The following PAAF1 variants were observed in gnomAD, a reference collection of about 807,000 sequenced individuals.
The protein encoded by PAAF1 is proteasomal ATPase associated factor 1.
A neutral mutation model predicts 52.8 loss-of-function variants in PAAF1; 46 were observed. The ratio of observed to expected loss-of-function variants is 0.87; its 90% CI spans 0.69 to 1.11. PAAF1 has a LOEUF of 1.11. Ranked by LOEUF, PAAF1 falls within the 50% of genes most tolerant of loss-of-function variation. The pLI is 0.00. For synonymous variants in PAAF1, 178 were observed against 172.8 expected (o/e 1.03, Z -0.24); for missense variants, 424 against 477.4 (o/e 0.89, Z 1.04).
chr11:73,914,430 A>G lies in PAAF1; in HGVS notation c.745A>G (p.Thr249Ala), dbSNP rs1311398766. Residue 249 changes from threonine (T) to alanine (A), a missense_variant, in exon 8 of 12, where the codon ACA becomes GCA. Coordinates refer to ENST00000310571, the MANE Select transcript of PAAF1 (RefSeq NM_025155.3). ...EQMPSEREVG[T>A]EAKMLLLARE... ...TCATGCAGGTGAACGGGAGGTTGGA[A>G]CAGAGGCCAAAATGCTGCTCTTGGC... is the stretch of plus-strand genomic sequence containing the variant. 1.2e-6 allele frequency: 2 copies of G among 1,613,960 alleles called. No individual in the cohort carries two copies. Among genetic ancestry groups the G allele is most frequent in the Non-Finnish European group, 1.7e-6 (2 of 1,179,968 alleles).
chr11:73,912,069 T>C (rs1385082760), intron 7 of PAAF1, among the ~76,000 whole-genome samples: 1 of 152,092 alleles, frequency 6.6e-6, no homozygotes, highest in Non-Finnish European at 1.5e-5. Context: ...CACATAACAC[T>C]GGTTTTCTTC....
At chr11:73,889,251 T>A (rs754766252) in intron 3 of PAAF1, 85 of 1,357,698 alleles carry the variant, frequency 6.3e-5, no homozygotes, top group Non-Finnish European at 7.9e-5. Context: ...AGACAGTAAG[T>A]GCTTATGGTT....
chr11:73,927,163 C>G, intron 11 of PAAF1, 122 bp from the exon 12 acceptor site: 1 of 719,250 alleles, frequency 1.4e-6, no homozygotes, highest in Non-Finnish European at 2.4e-6. Flanking sequence ...GGATGTAATT[C>G]TGTTGCCTTC....
intron 5 of PAAF1, 30 bp downstream of exon 5, chr11:73,899,274 TAAACAC>T: frequency 6.4e-7 from 1 of 1,568,328 alleles, no homozygotes; most frequent in Non-Finnish European, 8.8e-7. Context: ...TTTTAGGTCT[TAAACAC>T]AAAGGGTGGT....
At position 73,927,315 on chromosome 11, in the gene PAAF1, T is replaced by C. The variant is rs759166346; in HGVS notation, c.1132T>C (p.Cys378Arg). 2.0e-5 allele frequency: 32 copies of C among 1,614,064 alleles called. No homozygotes were observed. Among genetic ancestry groups the C allele is most frequent in the Non-Finnish European group, 2.1e-5 (25 of 1,180,014 alleles). Reference protein sequence around the residue: ...VATWEKQIYTCCRDGLVRRYQ... With the variant: ...VATWEKQIYTRCRDGLVRRYQ... The stretch of plus-strand genomic sequence containing the variant: ...CACATGGGAGAAGCAGATCTACACA[T>C]GCTGTCGAGACGGTCTTGTACGACG... Residue 378 changes from cysteine (C) to arginine (R), a missense_variant, in exon 12 of 12, where the codon TGC (cysteine) becomes CGC (arginine). Cys to Arg is a radical substitution (Grantham distance 180). Coordinates refer to ENST00000310571, the MANE Select transcript of PAAF1 (RefSeq NM_025155.3).
Position 73,888,866 on chromosome 11 carries a change from A to G in PAAF1, c.192+1409A>G, listed in dbSNP as rs536713575. 6 of 412,932 alleles carry G rather than the reference A, an allele frequency of 1.5e-5. No homozygotes were observed. The South Asian group carries it at 4.9e-4, about 34-fold the overall frequency. 25.6% of individuals were successfully genotyped at this position (412,932 alleles called of 1,614,324 possible). On this transcript the variant is annotated intron_variant, in intron 3 of 11. Coordinates refer to ENST00000310571, the MANE Select transcript of PAAF1 (RefSeq NM_025155.3). Reference sequence around the variant, plus strand: ...ATCAATAAAGCTGAGATCCTATTCTACCTCCTAGAATGGTTAATGGGGAAT... The same window carrying G: ...ATCAATAAAGCTGAGATCCTATTCTGCCTCCTAGAATGGTTAATGGGGAAT...
Position 73,918,963 on chromosome 11 carries a change from G to A in PAAF1, c.949G>A (p.Val317Ile). The A allele has an allele frequency of 6.2e-7, 1 of 1,613,142 alleles. No homozygotes were observed. The highest frequency in any genetic ancestry group is 8.5e-7 in the Non-Finnish European group (1 of 1,179,770). The change falls in exon 10 of 12, where the codon GTC (valine) becomes ATC (isoleucine). Residue 317 changes from valine (V) to isoleucine (I), a missense_variant. Coordinates refer to ENST00000310571, the MANE Select transcript of PAAF1 (RefSeq NM_025155.3). ...DVRSPRAPVQVIHRSGAPVLS... is the reference protein window; with the variant it reads ...DVRSPRAPVQIIHRSGAPVLS... ...TCTGAATCCTAGGGCTCCGGTACAA[G>A]TCATCCACAGATCAGGAGCACCAGT...
At chr11:73,898,224 G>A (rs1565135412) in intron 4 of PAAF1, among the ~76,000 whole-genome samples, 1 of 106,618 alleles carries the variant, frequency 9.4e-6, no homozygotes, top group African/African-American at 3.4e-5. Context: ...GGGGGAGGGA[G>A]AGGGAGAGGG....
chr11:73,887,311 A>G (rs766374567), intron 2 of PAAF1, 43 bp from the exon 3 acceptor site: 1 of 1,459,444 alleles, frequency 6.9e-7, no homozygotes, highest in Non-Finnish European at 9.4e-7. Flanking sequence ...AAAATAATAA[A>G]TTTTTCTTAT....
At position 73,927,313 on chromosome 11, in the gene PAAF1, C is replaced by T; in HGVS notation, c.1130C>T (p.Thr377Ile). 1.2e-6 allele frequency: 2 copies of T among 1,614,120 alleles called. No homozygotes were observed. The highest frequency in any genetic ancestry group is 1.7e-6 in the Non-Finnish European group (2 of 1,179,966). ...KVATWEKQIY[T>I]CCRDGLVRRY... The stretch of plus-strand genomic sequence containing the variant: ...GCCACATGGGAGAAGCAGATCTACA[C>T]ATGCTGTCGAGACGGTCTTGTACGA... Residue 377 changes from threonine to isoleucine, a missense_variant, in exon 12 of 12, where the codon ACA becomes ATA. By Grantham distance (89) the Thr-to-Ile change is moderately conservative (BLOSUM62 -1). Transcript: ENST00000310571.
intron 3 of PAAF1, chr11:73,888,922 C>A: frequency 2.1e-6 from 1 of 479,676 alleles, no homozygotes; most frequent in Non-Finnish European, 3.7e-6. Flanking sequence ...CTATAAAATA[C>A]TACAGAAGTT....
rs1950425321 is a variant in PAAF1, at chr11:73,929,384, T to G, written c.*2022T>G. The G allele has an allele frequency of 6.6e-6, 1 of 152,190 alleles. No individual in the cohort carries two copies. The highest frequency in any genetic ancestry group is 1.5e-5 in the Non-Finnish European group (1 of 68,026). The allele number at this position is 152,190 out of a possible 1,614,324, so 9.4% of individuals were successfully genotyped here. On this transcript the variant is annotated 3_prime_UTR_variant, in exon 12 of 12. Transcript: ENST00000310571. ...CTTAACTTTAAATCCCATTTTTTTC[T>G]ACAACACCCTGTTACTTAAACCAAA...
chr11:73,883,204 C>T (rs192832114), intron 2 of PAAF1, among the ~76,000 whole-genome samples: 1 of 152,240 alleles, frequency 6.6e-6, no homozygotes, highest in African/African-American at 2.4e-5. Context: ...TCCAGTGATC[C>T]TCCCTCAGCC....
chr11:73,909,399 G>A lies in PAAF1; in HGVS notation c.533G>A (p.Gly178Asp). 1 of 1,613,586 alleles carries A rather than the reference G, an allele frequency of 6.2e-7. No individual in the cohort carries two copies. The highest frequency in any genetic ancestry group is 1.3e-5 in the African/African-American group (1 of 74,952). The change falls in exon 7 of 12, where the codon GGT becomes GAT. Residue 178 changes from glycine to aspartate, a missense_variant and splice_region_variant. Coordinates refer to ENST00000310571, the MANE Select transcript of PAAF1 (RefSeq NM_025155.3). ...TTAGGGAGTTTTTTTCTCTTGCTAG[G>A]TATCCTGGATACAGCCATCGTTGAT... Reference protein sequence around the residue: ...CVVTFKGHKGGILDTAIVDRG... With the variant: ...CVVTFKGHKGDILDTAIVDRG...
Position 73,877,069 on chromosome 11 carries a change from G to A in PAAF1, c.47+1G>A. The A allele has an allele frequency of 1.3e-6, 2 of 1,537,350 alleles. No individual in the cohort carries two copies. The highest frequency in any genetic ancestry group is 8.8e-7 in the Non-Finnish European group (1 of 1,139,666). Reference sequence around the variant, plus strand: ...AGAGCGACTGGGCGCAAGCCCTCAGGTGAATCCAGGCCCAGAACAGAGTCA... The same window carrying A: ...AGAGCGACTGGGCGCAAGCCCTCAGATGAATCCAGGCCCAGAACAGAGTCA... On this transcript the variant is annotated splice_donor_variant, in intron 1 of 11. Coordinates refer to ENST00000310571, the MANE Select transcript of PAAF1 (RefSeq NM_025155.3). LOFTEE classifies it high-confidence loss of function.
chr11:73,918,377 TTTTTTTG>T (rs1950127328), intron 9 of PAAF1, among the ~76,000 whole-genome samples: 1 of 140,488 alleles, frequency 7.1e-6, no homozygotes, highest in Admixed American at 7.0e-5. Context: ...TTTTTTTTTT[TTTTTTTG>T]CCTCCACAGA....
intron 10 of PAAF1, among the ~76,000 whole-genome samples, chr11:73,920,181 T>A (rs1950172678): frequency 6.6e-6 from 1 of 152,126 alleles, no homozygotes; most frequent in Non-Finnish European, 1.5e-5. Context: ...TTTAACTAAC[T>A]TTTCTGTAAA....
At chr11:73,900,144 GT>G in intron 5 of PAAF1, 125 bp from the exon 6 acceptor site, 1 of 1,048,212 alleles carries the variant, frequency 9.5e-7, no homozygotes, top group Non-Finnish European at 1.4e-6. Context: ...GATATCCTTA[GT>G]TTTAAAACCC....
At chr11:73,889,827 A>G (rs1000647930) in intron 3 of PAAF1, among the ~76,000 whole-genome samples, 4 of 152,222 alleles carry the variant, frequency 2.6e-5, no homozygotes, top group African/African-American at 4.8e-5. Context: ...CACAGTTAGA[A>G]GCAAAAACTC....
Sources: allele counts gnomAD v4.1 joint callset (sites outside exome capture counted in the v4.1 genomes callset), GRCh38; gene constraint gnomAD v4.1.1; transcripts MANE v1.5; gene names NCBI Gene and HGNC (gene_info 2026-07-23, HGNC 2026-07-21).